Variants in PRICKLE1 observed in about 807,000 individuals in gnomAD.
PRICKLE1 encodes the protein prickle planar cell polarity protein 1, also known as prickle-like protein 1.
PRICKLE1 carries 14 observed loss-of-function variants against 70.2 expected under a neutral mutation model. The ratio of observed to expected loss-of-function variants is 0.20; its 90% CI spans 0.13 to 0.31. PRICKLE1 has a LOEUF of 0.31. Ranked by LOEUF, PRICKLE1 falls within the 10% of genes least tolerant of loss-of-function variation. The pLI is 1.00. For missense variants in PRICKLE1, 821 were observed against 1,026.2 expected, an observed-to-expected ratio of 0.80 and a Z score of 2.73; for synonymous variants, 357 against 379.9, an observed-to-expected ratio of 0.94 and a Z score of 0.70.
At position 42,515,029 on chromosome 12, in the gene PRICKLE1, G is replaced by T. The variant is rs148086137; in HGVS notation, c.-48-42465C>A. ...GCAACTTCCGCCTCCCAGGTTCAAG[G>T]AATTTTCCTGCCTTAGCTTCCTGAG... is the stretch of plus-strand genomic sequence containing the variant. On this transcript the variant is annotated intron_variant, in intron 1 of 7. Coordinates refer to ENST00000345127, the MANE Select transcript of PRICKLE1 (RefSeq NM_153026.3). Among the ~76,000 whole-genome samples, 762 of 151,610 alleles carry T rather than the reference G, an allele frequency of 5.0e-3. 4 individuals carry two copies. Among genetic ancestry groups the T allele is most frequent in the African/African-American group, 0.018 (730 of 41,294 alleles).
At chr12:42,585,936 T>A (rs1940980353) in intron 1 of PRICKLE1, among the ~76,000 whole-genome samples, 1 of 152,154 alleles carries the variant, frequency 6.6e-6, no homozygotes, top group African/African-American at 2.4e-5. Flanking sequence ...TGGAACGTGC[T>A]GTGGAGCGCT....
At chr12:42,462,846 T>C (rs7966669) in intron 7 of PRICKLE1, among the ~76,000 whole-genome samples, 23,999 of 152,186 alleles carry the variant, frequency 0.16, 1,924 homozygotes, top group Admixed American at 0.2. Flanking sequence ...TGCAAATAAT[T>C]TGCATAATGT....
intron 1 of PRICKLE1, among the ~76,000 whole-genome samples, chr12:42,495,572 C>T (rs1939183467): frequency 6.6e-6 from 1 of 151,410 alleles, no homozygotes; most frequent in African/African-American, 2.4e-5. Context: ...TCTGCAGTTA[C>T]ATCCTCCATT....
In PRICKLE1 at chr12:42,557,140, C is replaced by CTGG. The variant is rs536808568; in HGVS notation, c.-49+32322_-49+32324dup. 1.9e-3 allele frequency among the ~76,000 whole-genome samples: 289 copies of CTGG among 152,294 alleles called. 1 individual carries two copies. Among genetic ancestry groups the CTGG allele is most frequent in the Non-Finnish European group, 3.5e-3 (237 of 68,026 alleles). ...CCTTTACTTTCTACCAGAGTGGTGA[C>CTGG]TGGTACATGGAGTGACTGGTACATT... On this transcript the variant is annotated intron_variant, in intron 1 of 7. Coordinates refer to ENST00000345127, the MANE Select transcript of PRICKLE1 (RefSeq NM_153026.3).
At chr12:42,471,934 A>T (rs1938337854) in intron 2 of PRICKLE1, among the ~76,000 whole-genome samples, 1 of 152,204 alleles carries the variant, frequency 6.6e-6, no homozygotes. Context: ...AAGCAGTAAC[A>T]CTTCAGAGGG....
chr12:42,582,362 C>T (rs997478552), intron 1 of PRICKLE1, among the ~76,000 whole-genome samples: 2 of 152,194 alleles, frequency 1.3e-5, no homozygotes, highest in African/African-American at 4.8e-5. Flanking sequence ...TCATATGATC[C>T]TTGCAGTGAA....
intron 1 of PRICKLE1, among the ~76,000 whole-genome samples, chr12:42,567,796 CAAAAAA>C (rs34315516): frequency 2.5e-5 from 3 of 118,472 alleles, no homozygotes; most frequent in Non-Finnish European, 3.4e-5. Flanking sequence ...CACTTCATCT[CAAAAAA>C]AAAAAAAAAA....
intron 1 of PRICKLE1, among the ~76,000 whole-genome samples, chr12:42,536,983 T>C (rs932646578): frequency 6.6e-6 from 1 of 152,210 alleles, no homozygotes; most frequent in Non-Finnish European, 1.5e-5. Flanking sequence ...AAACTACATG[T>C]AATCCACCTA....
chr12:42,539,089 A>G (rs528170906), intron 1 of PRICKLE1, among the ~76,000 whole-genome samples: 2 of 152,348 alleles, frequency 1.3e-5, no homozygotes, highest in Non-Finnish European at 2.9e-5. Context: ...AGCTGAAGGA[A>G]TGCTGAATAG....
At chr12:42,567,612 G>A (rs1023589510) in intron 1 of PRICKLE1, among the ~76,000 whole-genome samples, 3 of 152,148 alleles carry the variant, frequency 2.0e-5, no homozygotes, top group Admixed American at 1.3e-4. Flanking sequence ...TGGATCACCT[G>A]AGTTCAGGAG....
In PRICKLE1 at chr12:42,460,469, C is replaced by T; in HGVS notation, c.1836G>A (p.Lys612=). ...TTCTGAGCACTGGCAGATGTACTGGCTTCTCTTCAGGCAGGATTTTCTCTG... is the reference window on the plus strand; with the variant it reads ...TTCTGAGCACTGGCAGATGTACTGGTTTCTCTTCAGGCAGGATTTTCTCTG... ...LCPEKILPEE[K]PVHLPVLRRS... The change falls in exon 8 of 8, where the codon AAG becomes AAA. Residue 612 remains lysine (K), a synonymous_variant. Transcript: ENST00000345127. 1 of 1,613,838 alleles carries T rather than the reference C, an allele frequency of 6.2e-7. No individual in the cohort carries two copies. The highest frequency in any genetic ancestry group is 8.5e-7 in the Non-Finnish European group (1 of 1,179,748).
intron 1 of PRICKLE1, among the ~76,000 whole-genome samples, chr12:42,534,778 A>G (rs747621633): frequency 2.0e-5 from 3 of 152,176 alleles, no homozygotes; most frequent in African/African-American, 7.2e-5. Flanking sequence ...TTGAAAGGGG[A>G]TACTAAAAAA....
At chr12:42,472,198 A>G (rs528028022) in intron 2 of PRICKLE1, among the ~76,000 whole-genome samples, 187 bp downstream of exon 2, 1 of 152,338 alleles carries the variant, frequency 6.6e-6, no homozygotes, top group South Asian at 2.1e-4. Flanking sequence ...GAGATTGGAA[A>G]CTTCCATTGA....
Position 42,464,296 on chromosome 12 carries a change from T to G in PRICKLE1, c.1639+99A>C. 7.0e-7 allele frequency: 1 copy of G among 1,427,032 alleles called. No homozygotes were observed. Among genetic ancestry groups the G allele is most frequent in the Non-Finnish European group, 9.9e-7 (1 of 1,014,456 alleles). 88.4% of individuals were successfully genotyped at this position (1,427,032 alleles called of 1,614,324 possible). A position where few individuals can be genotyped will look rare whatever the true frequency, so the allele number is the denominator to read the frequency against. ...TCAGCCTCCCATAGTGCTGGAATTATAGGCATGAGCCACTGCGCCTGGCTT... is the reference window on the plus strand; with the variant it reads ...TCAGCCTCCCATAGTGCTGGAATTAGAGGCATGAGCCACTGCGCCTGGCTT... On this transcript the variant is annotated intron_variant, in intron 7 of 7. Transcript: ENST00000345127. This position sits in a 1 kb window ranked among gnomAD's most constrained non-coding sequence, Gnocchi z 4.2.
intron 1 of PRICKLE1, among the ~76,000 whole-genome samples, chr12:42,565,225 G>A (rs1432394355): frequency 6.6e-6 from 1 of 152,134 alleles, no homozygotes; most frequent in Non-Finnish European, 1.5e-5. Context: ...GAAGTGGGGC[G>A]GCCATCAGCT....
chr12:42,569,252 A>G (rs1940669770), intron 1 of PRICKLE1, among the ~76,000 whole-genome samples: 1 of 152,228 alleles, frequency 6.6e-6, no homozygotes, highest in Non-Finnish European at 1.5e-5. Flanking sequence ...ATGGACCTTT[A>G]AAGTATATAT....
chr12:42,559,588 ATG>A lies in PRICKLE1; in HGVS notation c.-49+29875_-49+29876del, dbSNP rs201385279. On this transcript the variant is annotated intron_variant, in intron 1 of 7. Transcript: ENST00000345127. ...AATGTATATATATATGTGTGTGTTT[ATG>A]TGTGTGTGTGTGTGTGTATATATAT... Among the ~76,000 whole-genome samples, 138 of 129,042 alleles carry A rather than the reference ATG, an allele frequency of 1.1e-3. 1 individual carries two copies. Among genetic ancestry groups the A allele is most frequent in the Non-Finnish European group, 1.2e-3 (76 of 62,646 alleles). 84.7% of individuals were successfully genotyped at this position (129,042 alleles called of 152,430 possible).
intron 1 of PRICKLE1, among the ~76,000 whole-genome samples, chr12:42,569,716 C>A (rs1940676825): frequency 6.6e-6 from 1 of 152,142 alleles, no homozygotes; most frequent in Non-Finnish European, 1.5e-5. Context: ...TTAAACATGA[C>A]CCTCAAAACA....
At chr12:42,518,602 CTA>C (rs1004031859) in intron 1 of PRICKLE1, among the ~76,000 whole-genome samples, 16 of 152,118 alleles carry the variant, frequency 1.1e-4, no homozygotes, top group Non-Finnish European at 1.9e-4. Flanking sequence ...CTTAATTTTC[CTA>C]TGTTTGTCCC....
Sources: allele counts gnomAD v4.1 joint callset (sites outside exome capture counted in the v4.1 genomes callset), GRCh38; gene constraint gnomAD v4.1.1; non-coding constraint Gnocchi (gnomAD v3.1); transcripts MANE v1.5; gene names NCBI Gene and HGNC (gene_info 2026-07-23, HGNC 2026-07-21).